Variants in EYS observed in about 807,000 individuals in gnomAD.
The protein encoded by EYS is EGF-like photoreceptor maintenance factor.
In EYS, 250 loss-of-function variants were observed where a neutral mutation model predicts 282.1. The observed-to-expected ratio is 0.89, with a 90% CI of 0.80 to 0.98. EYS has a LOEUF of 0.98. Among genes scored for constraint, EYS ranks in the 50% least tolerant of loss-of-function variants. The pLI is 0.00. For missense variants in EYS, 4,016 were observed against 3,709.0 expected, an observed-to-expected ratio of 1.08 and a Z score of -2.15; for synonymous variants, 1,355 against 1,282.9, an observed-to-expected ratio of 1.06 and a Z score of -1.20.
chr6:64,883,145 T>A lies in EYS; in HGVS notation c.2992+3552A>T, dbSNP rs1377840787. Among the ~76,000 whole-genome samples, 2 of 151,482 alleles carry A rather than the reference T, an allele frequency of 1.3e-5. 1 individual carries two copies. Among genetic ancestry groups the A allele is most frequent in the African/African-American group, 4.8e-5 (2 of 41,384 alleles). On this transcript the variant is annotated intron_variant, in intron 19 of 42. Transcript: ENST00000503581. ...CCCAAACTATGCTTCTTTATACATGTACTCAAGGCAGATTGTTTTACTTCT... is the reference window on the plus strand; with the variant it reads ...CCCAAACTATGCTTCTTTATACATGAACTCAAGGCAGATTGTTTTACTTCT...
In EYS at chr6:63,720,379, A is replaced by T; in HGVS notation, c.*217T>A. On this transcript the variant is annotated 3_prime_UTR_variant, in exon 43 of 43. Coordinates refer to ENST00000503581, the MANE Select transcript of EYS (RefSeq NM_001142800.2). ...AATAAGCACTGAACTAATGGAGTTA[A>T]AACATGAATCAAAATATATACAGAT... The T allele has an allele frequency of 2.1e-6, 1 of 477,456 alleles. No homozygotes were observed. Among genetic ancestry groups the T allele is most frequent in the Non-Finnish European group, 3.6e-6 (1 of 274,276 alleles). The allele number at this position is 477,456 out of a possible 1,614,324, so 29.6% of individuals were successfully genotyped here.
chr6:63,779,640 A>C (rs1582199065), intron 39 of EYS, among the ~76,000 whole-genome samples: 1 of 152,292 alleles, frequency 6.6e-6, no homozygotes, highest in African/African-American at 2.4e-5. Context: ...TCTTTCAAAT[A>C]AATGGGAACA....
intron 41 of EYS, among the ~76,000 whole-genome samples, chr6:63,758,335 T>C (rs956381887): frequency 6.6e-6 from 1 of 152,008 alleles, no homozygotes; most frequent in African/African-American, 2.4e-5. Flanking sequence ...AAATAGGAGG[T>C]TTAAAATATT....
At chr6:63,723,425 T>C (rs964849240) in intron 42 of EYS, among the ~76,000 whole-genome samples, 3 of 152,320 alleles carry the variant, frequency 2.0e-5, no homozygotes, top group Admixed American at 6.5e-5. Context: ...ACCAGTTATC[T>C]TTTGCAAGAT....
At chr6:64,466,252 TAC>T in intron 26 of EYS, among the ~76,000 whole-genome samples, 1 of 152,222 alleles carries the variant, frequency 6.6e-6, no homozygotes, top group South Asian at 2.1e-4. Context: ...CTCCTGGGTA[TAC>T]ATCCAAAGGT....
chr6:65,686,764 T>C (rs1769030216), intron 1 of EYS, among the ~76,000 whole-genome samples: 1 of 152,198 alleles, frequency 6.6e-6, no homozygotes, highest in Middle Eastern at 3.4e-3. Flanking sequence ...ATGTGTTGTA[T>C]ACATAAACAG....
At chr6:64,935,505 G>A (rs1252328041) in intron 15 of EYS, among the ~76,000 whole-genome samples, 6 of 151,530 alleles carry the variant, frequency 4.0e-5, no homozygotes, top group Non-Finnish European at 5.9e-5. Context: ...GAATAAAAAA[G>A]CAATAGAATA....
At chr6:64,735,324 C>A (rs930551468) in intron 22 of EYS, among the ~76,000 whole-genome samples, 3 of 152,180 alleles carry the variant, frequency 2.0e-5, no homozygotes, top group Non-Finnish European at 4.4e-5. Context: ...ACCTCGTGAT[C>A]AGCCTGCCTT....
chr6:64,173,305 GCTAT>G (rs1764536126), intron 31 of EYS, among the ~76,000 whole-genome samples: 1 of 152,132 alleles, frequency 6.6e-6, no homozygotes, highest in African/African-American at 2.4e-5. Context: ...AGTTATGAAA[GCTAT>G]CTATCATATA....
intron 31 of EYS, among the ~76,000 whole-genome samples, chr6:64,148,499 A>G (rs1184288171): frequency 6.6e-6 from 1 of 152,180 alleles, no homozygotes; most frequent in African/African-American, 2.4e-5. Flanking sequence ...ATGATGGCAA[A>G]TGTTGCCTAA....
At chr6:65,033,885 T>G (rs1772684417) in intron 13 of EYS, among the ~76,000 whole-genome samples, 1 of 152,194 alleles carries the variant, frequency 6.6e-6, no homozygotes, top group Admixed American at 6.6e-5. Flanking sequence ...GCTTGCACCC[T>G]GTGCCTGGAA....
chr6:65,663,360 A>T (rs552935142), intron 1 of EYS, among the ~76,000 whole-genome samples: 33 of 152,310 alleles, frequency 2.2e-4, no homozygotes, highest in African/African-American at 5.1e-4. Context: ...GTATAGGACC[A>T]CAGGAGACAC....
intron 42 of EYS, 47 bp from the exon 43 acceptor site, chr6:63,721,844 C>A (rs1439714983): frequency 6.7e-7 from 1 of 1,485,856 alleles, no homozygotes; most frequent in South Asian, 1.4e-5. Flanking sequence ...GTAAAAGTTT[C>A]CATTGAAAAC....
intron 28 of EYS, among the ~76,000 whole-genome samples, chr6:64,401,203 T>A (rs1773528089): frequency 6.6e-6 from 1 of 152,094 alleles, no homozygotes; most frequent in Admixed American, 6.6e-5. Flanking sequence ...GTGTTGGAAA[T>A]CAACTCTCTC....
At chr6:65,258,292 A>T (rs1227975709) in intron 12 of EYS, among the ~76,000 whole-genome samples, 1 of 152,034 alleles carries the variant, frequency 6.6e-6, no homozygotes, top group Non-Finnish European at 1.5e-5. Flanking sequence ...AGGGAAGAAG[A>T]GTTGAATTAG....
intron 2 of EYS, among the ~76,000 whole-genome samples, chr6:65,517,880 C>T (rs1322979351): frequency 1.3e-5 from 2 of 151,992 alleles, no homozygotes; most frequent in African/African-American, 2.4e-5. Context: ...CAACTCCAAA[C>T]ACGTTCTATG....
chr6:65,388,900 G>A (rs979815023), intron 7 of EYS, among the ~76,000 whole-genome samples: 2 of 151,916 alleles, frequency 1.3e-5, no homozygotes, highest in African/African-American at 4.8e-5. Flanking sequence ...AAACTATAGA[G>A]CCAATATATT....
At chr6:65,038,155 C>T (rs2150147634) in intron 13 of EYS, among the ~76,000 whole-genome samples, 1 of 151,660 alleles carries the variant, frequency 6.6e-6, no homozygotes, top group African/African-American at 2.4e-5. Context: ...CACATAAGTG[C>T]ATAATCCTAA....
intron 22 of EYS, among the ~76,000 whole-genome samples, chr6:64,633,164 A>G (rs1767850227): frequency 6.6e-6 from 1 of 152,152 alleles, no homozygotes; most frequent in African/African-American, 2.4e-5. Context: ...CTTAGCAATT[A>G]TTGTAACATA....
Sources: gnomAD v4.1 joint callset for allele counts (sites outside exome capture counted in the v4.1 genomes callset) on GRCh38, gnomAD v4.1.1 for gene constraint, MANE v1.5 for transcripts, NCBI Gene and HGNC (gene_info 2026-07-23, HGNC 2026-07-21) for gene names.